Variants in TBX15 observed in about 807,000 individuals in gnomAD.
TBX15 encodes T-box transcription factor 15, also known as T-box transcription factor TBX15.
A neutral mutation model predicts 53.9 loss-of-function variants in TBX15; 18 were observed. The ratio of observed to expected loss-of-function variants is 0.33; its 90% CI spans 0.23 to 0.49. The LOEUF is 0.49. TBX15 is among the 20% of genes least tolerant of loss of function. The probability of loss-of-function intolerance (pLI) is 0.98; values close to 1 mark genes in which losing one functional copy is unlikely to be tolerated. For synonymous variants in TBX15, 295 were observed against 278.0 expected, an observed-to-expected ratio of 1.06 and a Z score of -0.61; for missense variants, 692 against 749.5, an observed-to-expected ratio of 0.92 and a Z score of 0.90.
chr1:118,926,740 C>G, intron 2 of TBX15, 129 bp from the exon 3 acceptor site: 1 of 790,566 alleles, frequency 1.3e-6, no homozygotes, highest in Middle Eastern at 3.4e-4. Context: ...GAGTCTCGCT[C>G]TGTCACCCAG....
chr1:118,981,087 C>T (rs1256299379), intron 1 of TBX15, among the ~76,000 whole-genome samples: 2 of 152,156 alleles, frequency 1.3e-5, no homozygotes, highest in East Asian at 3.8e-4. Context: ...CCCCCCGCCT[C>T]GGCCTCCCAA....
At chr1:118,889,051 G>A (rs1395433239) in intron 7 of TBX15, among the ~76,000 whole-genome samples, 1 of 152,192 alleles carries the variant, frequency 6.6e-6, no homozygotes, top group Non-Finnish European at 1.5e-5. Context: ...ATGAGACTTG[G>A]TGGCCTGCTG....
chr1:118,922,565 T>G (rs1655458496), intron 5 of TBX15, among the ~76,000 whole-genome samples: 3 of 152,164 alleles, frequency 2.0e-5, no homozygotes, highest in Admixed American at 2.0e-4. Flanking sequence ...ACAATGTCAG[T>G]GAAAAGATCA....
At chr1:118,893,089 A>G (rs1334764538) in intron 7 of TBX15, among the ~76,000 whole-genome samples, 1 of 151,768 alleles carries the variant, frequency 6.6e-6, no homozygotes. Flanking sequence ...AAATACAAAA[A>G]TTAGCCAGGC....
At position 118,913,966 on chromosome 1, in the gene TBX15, C is replaced by T. The variant is rs11586475; in HGVS notation, c.926+149G>A. 44,365 of 743,616 alleles carry T rather than the reference C, an allele frequency of 0.06. 1,655 individuals are homozygous for T. Among genetic ancestry groups the T allele is most frequent in the Middle Eastern group, 0.081 (288 of 3,574 alleles). 46.1% of individuals were successfully genotyped at this position (743,616 alleles called of 1,614,324 possible). A position where few individuals can be genotyped will look rare whatever the true frequency, so the allele number is the denominator to read the frequency against. On this transcript the variant is annotated intron_variant, in intron 6 of 7. Transcript: ENST00000369429. Reference sequence around the variant, plus strand: ...TATGCAACAAAGAATTTGATTCTTACGTTAGCTATCCATTTCTCTTTGCCG... The same window carrying T: ...TATGCAACAAAGAATTTGATTCTTATGTTAGCTATCCATTTCTCTTTGCCG...
At chr1:118,922,705 AT>A (rs1571176857) in intron 5 of TBX15, among the ~76,000 whole-genome samples, 1 of 152,334 alleles carries the variant, frequency 6.6e-6, no homozygotes, top group East Asian at 1.9e-4. Flanking sequence ...AACACTGTCT[AT>A]AAAAGAAGGT....
intron 2 of TBX15, among the ~76,000 whole-genome samples, chr1:118,928,721 C>CA (rs1217102257): frequency 1.3e-5 from 2 of 151,962 alleles, no homozygotes; most frequent in African/African-American, 2.4e-5. Context: ...CATACCTTTA[C>CA]AAAAAAAGGT....
chr1:118,919,399 G>T (rs1266600678), intron 5 of TBX15, among the ~76,000 whole-genome samples: 5 of 152,086 alleles, frequency 3.3e-5, no homozygotes, highest in Non-Finnish European at 5.9e-5. Flanking sequence ...CTTTCTCTCT[G>T]CCATAGGCCT....
intron 7 of TBX15, among the ~76,000 whole-genome samples, chr1:118,886,250 T>A (rs1653941622): frequency 1.3e-5 from 2 of 152,224 alleles, no homozygotes; most frequent in African/African-American, 2.4e-5. Context: ...ATGTCCATTC[T>A]CAGAGACTGG....
In TBX15 at chr1:118,884,483, G is replaced by T; in HGVS notation, c.*249C>A. On this transcript the variant is annotated 3_prime_UTR_variant, in exon 8 of 8. Transcript: ENST00000369429. ...CAAAGGCCACTCTGGAACAGACAAT[G>T]CTTTATAAAACTAAGGTCTGGGAAG... 1 of 548,562 alleles carries T rather than the reference G, an allele frequency of 1.8e-6. No individual in the cohort carries two copies. The highest frequency in any genetic ancestry group is 3.2e-6 in the Non-Finnish European group (1 of 308,132). 34.0% of individuals were successfully genotyped at this position (548,562 alleles called of 1,614,324 possible).
chr1:118,884,561 T>G lies in TBX15; in HGVS notation c.*171A>C. On this transcript the variant is annotated 3_prime_UTR_variant, in exon 8 of 8. Coordinates refer to ENST00000369429, the MANE Select transcript of TBX15 (RefSeq NM_001330677.2). ...TGATTCTATCGCAAGTATCCTTCAC[T>G]GGCTTAAAGGTATCTCTTGTTCTTG... 3 of 780,186 alleles carry G rather than the reference T, an allele frequency of 3.8e-6. No individual in the cohort carries two copies. Among genetic ancestry groups the G allele is most frequent in the Non-Finnish European group, 5.9e-6 (3 of 504,362 alleles). The allele number at this position is 780,186 out of a possible 1,614,324, so 48.3% of individuals were successfully genotyped here.
chr1:118,897,030 AC>A (rs138629178), intron 7 of TBX15, among the ~76,000 whole-genome samples: 15,528 of 152,220 alleles, frequency 0.1, 1,056 homozygotes, highest in East Asian at 0.29. Context: ...AGTGAGGGTC[AC>A]TGAAGCGTTT....
intron 1 of TBX15, among the ~76,000 whole-genome samples, chr1:118,950,716 TA>T (rs778772103): frequency 6.6e-6 from 1 of 152,228 alleles, no homozygotes; most frequent in African/African-American, 2.4e-5. Flanking sequence ...GGGCCTTTAT[TA>T]TTCTCTAATA....
At chr1:118,932,399 T>C (rs548581671) in intron 1 of TBX15, among the ~76,000 whole-genome samples, 1 of 152,332 alleles carries the variant, frequency 6.6e-6, no homozygotes, top group Admixed American at 6.5e-5. Context: ...TCTTTAGAAG[T>C]ACTTTGTCAT....
intron 6 of TBX15, among the ~76,000 whole-genome samples, chr1:118,902,558 G>A (rs1654666611): frequency 6.6e-6 from 1 of 152,304 alleles, no homozygotes; most frequent in South Asian, 2.1e-4. Context: ...ACACAACTTG[G>A]TGTAAAATAA....
intron 1 of TBX15, among the ~76,000 whole-genome samples, chr1:118,938,042 G>A (rs1309493643): frequency 6.6e-6 from 1 of 152,156 alleles, no homozygotes; most frequent in Non-Finnish European, 1.5e-5. Context: ...TGCTGGTGAC[G>A]AAATTTTTCA....
intron 1 of TBX15, among the ~76,000 whole-genome samples, chr1:118,948,727 T>A (rs1656421407): frequency 6.6e-6 from 1 of 152,226 alleles, no homozygotes; most frequent in South Asian, 2.1e-4. Flanking sequence ...CAAAATGATC[T>A]TGTGAAACAT....
intron 1 of TBX15, among the ~76,000 whole-genome samples, chr1:118,939,991 G>T (rs1656115956): frequency 6.6e-6 from 1 of 151,854 alleles, no homozygotes; most frequent in Non-Finnish European, 1.5e-5. Context: ...ATATAAATGG[G>T]AGGTGTCAGA....
At chr1:118,903,793 T>C (rs1192890314) in intron 6 of TBX15, among the ~76,000 whole-genome samples, 1 of 152,188 alleles carries the variant, frequency 6.6e-6, no homozygotes, top group Non-Finnish European at 1.5e-5. Context: ...TTTATGACTG[T>C]CTTGTTTTTT....
Sources: gnomAD v4.1 joint callset for allele counts (sites outside exome capture counted in the v4.1 genomes callset) on GRCh38, gnomAD v4.1.1 for gene constraint, MANE v1.5 for transcripts, NCBI Gene and HGNC (gene_info 2026-07-23, HGNC 2026-07-21) for gene names.